The following FXN variants were observed in gnomAD, a reference collection of about 807,000 sequenced individuals.
FXN encodes frataxin, also known as frataxin, mitochondrial.
FXN carries 14 observed loss-of-function variants against 22.4 expected under a neutral mutation model. The observed-to-expected ratio is 0.62, with a 90% CI of 0.41 to 0.98. FXN has a LOEUF of 0.98. Ranked by LOEUF, FXN falls within the 50% of genes least tolerant of loss-of-function variation. The pLI, the probability that FXN is intolerant of heterozygous loss-of-function variation, is 0.00. For synonymous variants in FXN, 120 were observed against 114.1 expected (o/e 1.05, Z -0.33); for missense variants, 267 against 268.4 (o/e 0.99, Z 0.04).
Position 69,073,985 on chromosome 9 carries a change from A to T in FXN, c.*1223A>T. ...GATCACCTGAGGTCAGGAGTTCAAG[A>T]CCAGCCTGGCCAACATGATGAAACC... On this transcript the variant is annotated 3_prime_UTR_variant, in exon 5 of 5. Transcript: ENST00000484259. 1.9e-6 allele frequency: 1 copy of T among 518,718 alleles called. No homozygotes were observed. Among genetic ancestry groups the T allele is most frequent in the Non-Finnish European group, 2.5e-6 (1 of 403,826 alleles). The allele number at this position is 518,718 out of a possible 1,614,324, so 32.1% of individuals were successfully genotyped here.
intron 4 of FXN, among the ~76,000 whole-genome samples, chr9:69,070,225 T>G: frequency 7.2e-6 from 1 of 139,820 alleles, no homozygotes; most frequent in African/African-American, 2.7e-5. Flanking sequence ...TGAGACCCCA[T>G]CTCAAAAAAA....
chr9:69,039,603 T>G (rs907463294), intron 1 of FXN, among the ~76,000 whole-genome samples: 3 of 152,134 alleles, frequency 2.0e-5, no homozygotes, highest in Non-Finnish European at 2.9e-5. Context: ...GCTGCATCTT[T>G]AACGTTTCCT....
At chr9:69,072,499 T>G in intron 4 of FXN, 113 bp from the exon 5 acceptor site, 1 of 1,595,104 alleles carries the variant, frequency 6.3e-7, no homozygotes, top group African/African-American at 1.3e-5. Flanking sequence ...TCATTTTGTG[T>G]TATTTTCTAG....
rs1188486735 is a variant in FXN, at chr9:69,075,535, G to C, written c.*2773G>C. 12 of 985,004 alleles carry C rather than the reference G, an allele frequency of 1.2e-5. No homozygotes were observed. Among genetic ancestry groups the C allele is most frequent in the Middle Eastern group, 5.2e-4 (1 of 1,938 alleles). 61.0% of individuals were successfully genotyped at this position (985,004 alleles called of 1,614,324 possible). ...AGGGGAAGAATCAAAATCATATTCT[G>C]TCAAGCAAACTGGAAAAGTACCACT... On this transcript the variant is annotated 3_prime_UTR_variant, in exon 5 of 5. Transcript: ENST00000484259.
At chr9:69,070,202 C>T (rs1013872014) in intron 4 of FXN, among the ~76,000 whole-genome samples, 2 of 150,874 alleles carry the variant, frequency 1.3e-5, no homozygotes, top group African/African-American at 4.9e-5. Flanking sequence ...GCACTCCAGC[C>T]TGGGTGACAC....
intron 3 of FXN, among the ~76,000 whole-genome samples, chr9:69,055,338 A>C (rs1440722265): frequency 6.6e-6 from 1 of 152,188 alleles, no homozygotes; most frequent in Non-Finnish European, 1.5e-5. Context: ...CTGCCCACAC[A>C]TGCAGACATT....
Position 69,035,774 on chromosome 9 carries a change from C to T in FXN, c.-9C>T. 1.3e-6 allele frequency: 2 copies of T among 1,501,378 alleles called. No individual in the cohort carries two copies. Among genetic ancestry groups the T allele is most frequent in the Non-Finnish European group, 1.8e-6 (2 of 1,130,972 alleles). The allele number at this position is 1,501,378 out of a possible 1,614,324, so 93.0% of individuals were successfully genotyped here. ...TGGAGGGCGGAGCGGGCGGCAGACC[C>T]GGAGCAGCATGTGGACTCTCGGGCG... On this transcript the variant is annotated 5_prime_UTR_variant, in exon 1 of 5. Transcript: ENST00000484259.
intron 3 of FXN, among the ~76,000 whole-genome samples, chr9:69,059,902 C>T (rs539308577): frequency 3.9e-5 from 6 of 152,240 alleles, no homozygotes; most frequent in South Asian, 2.1e-4. Context: ...GGTAAAAGTG[C>T]ATCCTAGCAA....
chr9:69,075,565 GTAC>G lies in FXN; in HGVS notation c.*2804_*2806del, dbSNP rs1564342627. The stretch of plus-strand genomic sequence containing the variant: ...GCAAACTGGAAAAGTACCACTGTGT[GTAC>G]CAATAGCCTCCCCACCACAGACCCT... On this transcript the variant is annotated 3_prime_UTR_variant, in exon 5 of 5. Coordinates refer to ENST00000484259, the MANE Select transcript of FXN (RefSeq NM_000144.5). 1 of 985,088 alleles carries G rather than the reference GTAC, an allele frequency of 1.0e-6. No homozygotes were observed. The highest frequency in any genetic ancestry group is 1.7e-5 in the African/African-American group (1 of 57,200). 61.0% of individuals were successfully genotyped at this position (985,088 alleles called of 1,614,324 possible).
In FXN at chr9:69,072,637, G is replaced by T. The variant is rs1345161827; in HGVS notation, c.508G>T (p.Gly170Trp). The change falls in exon 5 of 5, where the codon GGG becomes TGG. Residue 170 changes from glycine to tryptophan, a missense_variant. By Grantham distance (184) the Gly-to-Trp change is radical (BLOSUM62 -2). Coordinates refer to ENST00000484259, the MANE Select transcript of FXN (RefSeq NM_000144.5). ...SSGPKRYDWT[G>W]KNWVYSHDGV... Reference sequence around the variant, plus strand: ...TGGACCTAAGCGTTATGACTGGACTGGGAAAAACTGGGTGTACTCCCACGA... The same window carrying T: ...TGGACCTAAGCGTTATGACTGGACTTGGAAAAACTGGGTGTACTCCCACGA... 1 of 1,614,118 alleles carries T rather than the reference G, an allele frequency of 6.2e-7. No individual in the cohort carries two copies. The highest frequency in any genetic ancestry group is 1.7e-5 in the Admixed American group (1 of 60,008).
Position 69,072,698 on chromosome 9 carries a change from T to C in FXN, c.569T>C (p.Leu190Pro). The C allele has an allele frequency of 1.2e-6, 2 of 1,614,184 alleles. No homozygotes were observed. The highest frequency in any genetic ancestry group is 1.7e-6 in the Non-Finnish European group (2 of 1,180,036). The change falls in exon 5 of 5, where the codon CTC becomes CCC. Residue 190 changes from leucine (L) to proline (P), a missense_variant. Physicochemically the swap from Leu to Pro is moderately conservative, Grantham distance 98 (BLOSUM62 -3). Coordinates refer to ENST00000484259, the MANE Select transcript of FXN (RefSeq NM_000144.5). ...CTCCATGAGCTGCTGGCCGCAGAGC[T>C]CACTAAAGCCTTAAAAACCAAACTG... ...VSLHELLAAELTKALKTKLDL... is the reference protein window; with the variant it reads ...VSLHELLAAEPTKALKTKLDL...
chr9:69,046,513 A>G (rs1831758173), intron 2 of FXN, 31 bp downstream of exon 2: 8 of 1,471,394 alleles, frequency 5.4e-6, no homozygotes, highest in Non-Finnish European at 7.6e-6. Flanking sequence ...CGTCATAGGT[A>G]TCTTCCTCTC....
At chr9:69,046,295 C>A in intron 1 of FXN, 90 bp from the exon 2 acceptor site, 2 of 933,466 alleles carry the variant, frequency 2.1e-6, no homozygotes, top group Non-Finnish European at 1.7e-6. Flanking sequence ...TACAGGCACT[C>A]GAATGTAGAA....
In FXN at chr9:69,073,199, C is replaced by T; in HGVS notation, c.*437C>T. On this transcript the variant is annotated 3_prime_UTR_variant, in exon 5 of 5. Transcript: ENST00000484259. Reference sequence around the variant, plus strand: ...CTCACTGTTCTATCTCCAAATGAGACACATTAAAGGGTAGCCTACAAATGT... The same window carrying T: ...CTCACTGTTCTATCTCCAAATGAGATACATTAAAGGGTAGCCTACAAATGT... 1.9e-6 allele frequency: 2 copies of T among 1,063,236 alleles called. No individual in the cohort carries two copies. The highest frequency in any genetic ancestry group is 1.1e-6 in the Non-Finnish European group (1 of 878,014). The allele number at this position is 1,063,236 out of a possible 1,614,324, so 65.9% of individuals were successfully genotyped here.
intron 1 of FXN, among the ~76,000 whole-genome samples, chr9:69,038,903 T>C (rs1224543135): frequency 1.3e-5 from 2 of 152,218 alleles, no homozygotes; most frequent in African/African-American, 4.8e-5. Flanking sequence ...TTTACTTTTA[T>C]AAAATTCACA....
chr9:69,065,099 T>C (rs1832145299), intron 4 of FXN, 64 bp downstream of exon 4: 3 of 1,282,302 alleles, frequency 2.3e-6, no homozygotes, highest in Non-Finnish European at 3.4e-6. Flanking sequence ...TGTGACATTG[T>C]GGACCATTTA....
rs929928928 is a variant in FXN, at chr9:69,064,873, A to T, written c.385-65A>T. On this transcript the variant is annotated intron_variant, in intron 3 of 4. Transcript: ENST00000484259. ...TGTTGAGATAAAACATGAAGCAATGATGACAAAGTGCTAACTTTTTCTTGT... is the reference window on the plus strand; with the variant it reads ...TGTTGAGATAAAACATGAAGCAATGTTGACAAAGTGCTAACTTTTTCTTGT... 8 of 922,192 alleles carry T rather than the reference A, an allele frequency of 8.7e-6. No individual in the cohort carries two copies. In the Admixed American group the frequency reaches 1.2e-4, roughly 14 times the overall value. The allele number at this position is 922,192 out of a possible 1,614,324, so 57.1% of individuals were successfully genotyped here.
chr9:69,047,564 T>A (rs1296019574), intron 2 of FXN, among the ~76,000 whole-genome samples: 1 of 152,114 alleles, frequency 6.6e-6, no homozygotes, highest in African/African-American at 2.4e-5. Context: ...TCTGTTATTT[T>A]CCTTGGCCAC....
intron 2 of FXN, among the ~76,000 whole-genome samples, chr9:69,049,129 T>C (rs1156972149): frequency 6.6e-6 from 1 of 152,148 alleles, no homozygotes; most frequent in Non-Finnish European, 1.5e-5. Flanking sequence ...TGACCTGCCA[T>C]GTGTAGGAAG....
Sources: gnomAD v4.1 joint callset for allele counts (sites outside exome capture counted in the v4.1 genomes callset) on GRCh38, gnomAD v4.1.1 for gene constraint, MANE v1.5 for transcripts, NCBI Gene and HGNC (gene_info 2026-07-23, HGNC 2026-07-21) for gene names.